Variants in CTNND2 observed in about 807,000 individuals in gnomAD.
CTNND2 encodes the protein catenin delta-2.
Under a neutral mutation model 144.4 loss-of-function variants are expected in CTNND2, and 22 were observed. The ratio of observed to expected loss-of-function variants is 0.15; its 90% CI spans 0.11 to 0.22. The LOEUF (loss-of-function observed/expected upper bound fraction) is 0.22. Ranked by LOEUF, CTNND2 falls within the 10% of genes least tolerant of loss-of-function variation. The probability of loss-of-function intolerance (pLI) is 1.00; values close to 1 mark genes in which losing one functional copy is unlikely to be tolerated. For synonymous variants in CTNND2, 751 were observed against 695.6 expected (o/e 1.08, Z -1.25); for missense variants, 1,353 against 1,618.8 (o/e 0.84, Z 2.82).
intron 9 of CTNND2, among the ~76,000 whole-genome samples, chr5:11,314,167 G>A (rs1025272610): frequency 1.3e-5 from 2 of 152,106 alleles, no homozygotes; most frequent in Non-Finnish European, 2.9e-5. Context: ...TAGGGTCTGC[G>A]GATACCTTCC....
intron 3 of CTNND2, among the ~76,000 whole-genome samples, chr5:11,518,614 A>G (rs1772416595): frequency 6.6e-6 from 1 of 152,188 alleles, no homozygotes. Context: ...AGTGTCTTAT[A>G]CAGGTGTATC....
intron 3 of CTNND2, among the ~76,000 whole-genome samples, chr5:11,555,826 A>G (rs1174536422): frequency 6.6e-6 from 1 of 152,204 alleles, no homozygotes. Flanking sequence ...TCTGGAATTT[A>G]AATTGGAAGA....
intron 9 of CTNND2, among the ~76,000 whole-genome samples, chr5:11,264,684 C>T (rs1261416550): frequency 1.3e-5 from 2 of 152,148 alleles, no homozygotes; most frequent in South Asian, 2.1e-4. Flanking sequence ...AATACCAGCA[C>T]TTTGGGAGGG....
chr5:11,344,412 G>A (rs1295512338), intron 9 of CTNND2, among the ~76,000 whole-genome samples: 3 of 151,790 alleles, frequency 2.0e-5, no homozygotes, highest in Non-Finnish European at 2.9e-5. Context: ...AAAACATGTT[G>A]AGACATTCCT....
At chr5:11,619,337 G>A (rs1279568607) in intron 2 of CTNND2, among the ~76,000 whole-genome samples, 1 of 152,308 alleles carries the variant, frequency 6.6e-6, no homozygotes, top group African/African-American at 2.4e-5. Flanking sequence ...GAACCCGGCA[G>A]GCAGAGGTTG....
At chr5:11,081,851 A>C (rs1749611340) in intron 16 of CTNND2, among the ~76,000 whole-genome samples, 1 of 152,206 alleles carries the variant, frequency 6.6e-6, no homozygotes, top group Admixed American at 6.5e-5. Context: ...AGTGATTGCT[A>C]ATGGGAACAG....
At chr5:11,221,287 C>A (rs1455617040) in intron 10 of CTNND2, among the ~76,000 whole-genome samples, 1 of 152,230 alleles carries the variant, frequency 6.6e-6, no homozygotes, top group Non-Finnish European at 1.5e-5. Flanking sequence ...AGTCAGCCAA[C>A]TGGGGCACCT....
intron 10 of CTNND2, among the ~76,000 whole-genome samples, chr5:11,226,650 T>C (rs1177395663): frequency 6.6e-6 from 1 of 152,220 alleles, no homozygotes; most frequent in Non-Finnish European, 1.5e-5. Context: ...ACTTATTTAC[T>C]ATCACAAGAA....
At chr5:11,340,556 A>C (rs1561245088) in intron 9 of CTNND2, among the ~76,000 whole-genome samples, 2 of 152,230 alleles carry the variant, frequency 1.3e-5, no homozygotes. Flanking sequence ...ATTATACTGG[A>C]TAACAAAATT....
intron 9 of CTNND2, among the ~76,000 whole-genome samples, chr5:11,242,082 A>G (rs750789355): frequency 2.6e-5 from 4 of 152,208 alleles, no homozygotes; most frequent in Non-Finnish European, 4.4e-5. Flanking sequence ...ATCATGAAAG[A>G]TCATTCATTC....
At position 11,384,571 on chromosome 5, in the gene CTNND2, G is replaced by A. The variant is rs1758845150; in HGVS notation, c.1177+94C>T. 5 of 1,192,698 alleles carry A rather than the reference G, an allele frequency of 4.2e-6. No individual in the cohort carries two copies. Among genetic ancestry groups the A allele is most frequent in the Non-Finnish European group, 5.7e-6 (5 of 870,102 alleles). 73.9% of individuals were successfully genotyped at this position (1,192,698 alleles called of 1,614,324 possible). Reference sequence around the variant, plus strand: ...CAACTACTACAACCTGGCAGACAGCGCGCCCGGCTTCGCTTCTGCTCAAGC... The same window carrying A: ...CAACTACTACAACCTGGCAGACAGCACGCCCGGCTTCGCTTCTGCTCAAGC... On this transcript the variant is annotated intron_variant, in intron 7 of 21. Transcript: ENST00000304623. This position sits in a 1 kb window ranked among gnomAD's most constrained non-coding sequence, Gnocchi z 5.2.
chr5:11,601,082 T>C (rs1447608775), intron 2 of CTNND2, among the ~76,000 whole-genome samples: 1 of 152,172 alleles, frequency 6.6e-6, no homozygotes, highest in African/African-American at 2.4e-5. Context: ...GATGTAGAAA[T>C]ATCTTAGAAT....
At chr5:11,445,781 T>G (rs1429988082) in intron 3 of CTNND2, among the ~76,000 whole-genome samples, 1 of 152,236 alleles carries the variant, frequency 6.6e-6, no homozygotes, top group East Asian at 1.9e-4. Flanking sequence ...CTACATCACA[T>G]GTGGAGTTTC....
chr5:11,314,428 G>A (rs573664008), intron 9 of CTNND2, among the ~76,000 whole-genome samples: 1 of 152,248 alleles, frequency 6.6e-6, no homozygotes, highest in South Asian at 2.1e-4. Flanking sequence ...AGAGCTCACT[G>A]CAGCCTCTAC....
At chr5:11,767,207 A>G (rs185017116) in intron 1 of CTNND2, among the ~76,000 whole-genome samples, 4 of 152,356 alleles carry the variant, frequency 2.6e-5, no homozygotes, top group Admixed American at 2.6e-4. Flanking sequence ...AGCATCTCCT[A>G]GAATTGAGTA....
At chr5:11,698,945 TTTC>T (rs1785268090) in intron 2 of CTNND2, among the ~76,000 whole-genome samples, 1 of 150,630 alleles carries the variant, frequency 6.6e-6, no homozygotes, top group African/African-American at 2.4e-5. Context: ...CATATTTTCT[TTTC>T]TTAATGCATA....
intron 1 of CTNND2, among the ~76,000 whole-genome samples, chr5:11,741,958 C>G (rs1330707620): frequency 6.6e-6 from 1 of 151,616 alleles, no homozygotes; most frequent in Non-Finnish European, 1.5e-5. Context: ...GAATGGAAAA[C>G]CAAACATCAT....
chr5:11,565,915 T>C (rs1777058354), intron 2 of CTNND2, among the ~76,000 whole-genome samples: 1 of 152,224 alleles, frequency 6.6e-6, no homozygotes, highest in Non-Finnish European at 1.5e-5. Context: ...TTTTACAATG[T>C]CACATTTAAT....
At chr5:11,103,926 C>A (rs933064552) in intron 14 of CTNND2, among the ~76,000 whole-genome samples, 10 of 152,132 alleles carry the variant, frequency 6.6e-5, no homozygotes, top group Non-Finnish European at 1.3e-4. Context: ...TGAGGAGACA[C>A]CAACAAGGAG....
Sources: allele counts gnomAD v4.1 joint callset (sites outside exome capture counted in the v4.1 genomes callset), GRCh38; gene constraint gnomAD v4.1.1; non-coding constraint Gnocchi (gnomAD v3.1); transcripts MANE v1.5; gene names NCBI Gene and HGNC (gene_info 2026-07-23, HGNC 2026-07-21).